The following MCF2L2 variants were observed in gnomAD, a reference collection of about 807,000 sequenced individuals.
MCF2L2 encodes the protein MCF.2 cell line derived transforming sequence-like 2.
Under a neutral mutation model 150.2 loss-of-function variants are expected in MCF2L2, and 102 were observed. That is an observed-to-expected ratio of 0.68 (90% confidence interval 0.58 to 0.80). The LOEUF is 0.80. MCF2L2 is among the 30% of genes least tolerant of loss of function. The probability of loss-of-function intolerance (pLI) is 0.00; values close to 1 mark genes in which losing one functional copy is unlikely to be tolerated. For synonymous variants in MCF2L2, 465 were observed against 491.3 expected (o/e 0.95, Z 0.71); for missense variants, 1,256 against 1,372.8 (o/e 0.91, Z 1.34).
chr3:183,193,209 G>A (rs1260246964), intron 26 of MCF2L2, 113 bp from the exon 27 acceptor site: 2 of 822,550 alleles, frequency 2.4e-6, no homozygotes, highest in Non-Finnish European at 4.1e-6. Flanking sequence ...TCTAGGTCTC[G>A]AGGACCTGCT....
chr3:183,302,961 G>A (rs986408012), intron 10 of MCF2L2, among the ~76,000 whole-genome samples: 4 of 151,786 alleles, frequency 2.6e-5, no homozygotes, highest in Admixed American at 6.6e-5. Flanking sequence ...TTGGGAGGCC[G>A]AGACGGGCAG....
rs188395818 is a variant in MCF2L2 at position 183,389,688 on chromosome 3, C to T, written c.160+8G>A. The stretch of plus-strand genomic sequence containing the variant: ...AAATCTGGAAATGCAAATGAATGTG[C>T]CCCTTACCTGAAAGAATGGCAAATT... On this transcript the variant is annotated splice_region_variant and intron_variant, in intron 2 of 29. Transcript: ENST00000328913. 1 of 1,613,170 alleles carries T rather than the reference C, an allele frequency of 6.2e-7. No individual in the cohort carries two copies.
intron 3 of MCF2L2, among the ~76,000 whole-genome samples, chr3:183,370,594 C>G (rs1712815649): frequency 6.6e-6 from 1 of 152,224 alleles, no homozygotes; most frequent in Admixed American, 6.5e-5. Flanking sequence ...AAAGGCAGAA[C>G]AGTGAGGAGG....
At chr3:183,279,201 A>T (rs144527856) in intron 14 of MCF2L2, among the ~76,000 whole-genome samples, 1 of 151,632 alleles carries the variant, frequency 6.6e-6, no homozygotes, top group Non-Finnish European at 1.5e-5. Context: ...TTTCATTTAC[A>T]TCGTAACTGA....
chr3:183,344,118 CAAAACA>C (rs1257162889), intron 3 of MCF2L2, among the ~76,000 whole-genome samples: 3 of 150,960 alleles, frequency 2.0e-5, no homozygotes, highest in Non-Finnish European at 4.4e-5. Flanking sequence ...GGCTCAAAAC[CAAAACA>C]AAAACAAAAC....
At chr3:183,413,311 T>A (rs951680841) in intron 1 of MCF2L2, among the ~76,000 whole-genome samples, 2 of 152,226 alleles carry the variant, frequency 1.3e-5, no homozygotes, top group African/African-American at 4.8e-5. Context: ...TAATTTTGTA[T>A]GTTATATGTA....
chr3:183,340,443 T>C (rs1243866989), intron 4 of MCF2L2, among the ~76,000 whole-genome samples: 1 of 152,048 alleles, frequency 6.6e-6, no homozygotes, highest in African/African-American at 2.4e-5. Flanking sequence ...GTGTCTCTGC[T>C]TGTGGTGGAG....
intron 13 of MCF2L2, among the ~76,000 whole-genome samples, chr3:183,294,391 GC>G (rs1728343018): frequency 6.6e-6 from 1 of 151,736 alleles, no homozygotes; most frequent in Non-Finnish European, 1.5e-5. Context: ...TGCTCTTGTC[GC>G]CCAGGCTGGA....
intron 3 of MCF2L2, among the ~76,000 whole-genome samples, chr3:183,360,758 T>C (rs1439050273): frequency 1.3e-5 from 2 of 151,860 alleles, no homozygotes; most frequent in Non-Finnish European, 2.9e-5. Context: ...TCACCTGAGG[T>C]CAGGAGTTCT....
intron 1 of MCF2L2, 79 bp downstream of exon 1, chr3:183,427,823 G>A: frequency 7.9e-7 from 1 of 1,262,388 alleles, no homozygotes; most frequent in Non-Finnish European, 1.2e-6. Flanking sequence ...CAGCGGGTGA[G>A]GCCAGGAGCC....
chr3:183,419,688 C>T (rs1715778677), intron 1 of MCF2L2, among the ~76,000 whole-genome samples: 1 of 152,082 alleles, frequency 6.6e-6, no homozygotes, highest in Non-Finnish European at 1.5e-5. Context: ...GCCTGGCCAA[C>T]ATGGTGAAAC....
At chr3:183,389,435 T>C (rs1353730386) in intron 2 of MCF2L2, among the ~76,000 whole-genome samples, 2 of 152,192 alleles carry the variant, frequency 1.3e-5, no homozygotes, top group East Asian at 3.8e-4. Context: ...TTCCTCAAAA[T>C]CTTTTCAGCT....
intron 1 of MCF2L2, among the ~76,000 whole-genome samples, chr3:183,406,297 C>A (rs1577130642): frequency 6.6e-6 from 1 of 152,258 alleles, no homozygotes; most frequent in Non-Finnish European, 1.5e-5. Context: ...CACAATTTCA[C>A]TGATGACTAC....
chr3:183,295,177 A>G (rs938139036), intron 13 of MCF2L2, 123 bp downstream of exon 13: 49 of 952,802 alleles, frequency 5.1e-5, no homozygotes, highest in Non-Finnish European at 3.1e-5. Flanking sequence ...CTATATCTGT[A>G]GTTTGTTTTA....
At chr3:183,389,944 G>A (rs1446062702) in intron 1 of MCF2L2, among the ~76,000 whole-genome samples, 165 bp from the exon 2 acceptor site, 6 of 152,214 alleles carry the variant, frequency 3.9e-5, no homozygotes, top group African/African-American at 4.8e-5. Context: ...ATCCAGGGCT[G>A]TATCTGGATT....
intron 25 of MCF2L2, among the ~76,000 whole-genome samples, chr3:183,202,912 T>C (rs1405756412): frequency 6.6e-6 from 1 of 152,068 alleles, no homozygotes; most frequent in East Asian, 1.9e-4. Flanking sequence ...AACCAGTCAA[T>C]ACAAACTGTT....
chr3:183,336,849 C>T (rs553579182), intron 5 of MCF2L2, among the ~76,000 whole-genome samples: 1 of 140,164 alleles, frequency 7.1e-6, no homozygotes, highest in African/African-American at 3.0e-5. Flanking sequence ...GAGTGAAACT[C>T]CATCTCAAAA....
Position 183,179,604 on chromosome 3 carries a change from T to G in MCF2L2, c.3194A>C (p.Glu1065Ala), listed in dbSNP as rs772085083. The G allele has an allele frequency of 6.2e-7, 1 of 1,614,142 alleles. No homozygotes were observed. The highest frequency in any genetic ancestry group is 1.3e-5 in the African/African-American group (1 of 75,052). The change falls in exon 29 of 30, where the codon GAA (glutamate) becomes GCA (alanine). Residue 1065 changes from glutamate to alanine, a missense_variant. By Grantham distance (107) the Glu-to-Ala change is moderately radical. Coordinates refer to ENST00000328913, the MANE Select transcript of MCF2L2 (RefSeq NM_015078.4). This position sits in a 1 kb window ranked among gnomAD's most constrained non-coding sequence, Gnocchi z 4.2. The part of the protein sequence containing the change: ...FLERGESSQG[E>A]KEERDEEETA... ...TTCCTCCTCATCGCGTTCTTCTTTT[T>G]CTCCCTGGCTGCTTTCTCCCCTCTC... is the stretch of plus-strand genomic sequence containing the variant.
chr3:183,301,735 C>T (rs534759879), intron 10 of MCF2L2, among the ~76,000 whole-genome samples: 3 of 147,328 alleles, frequency 2.0e-5, no homozygotes, highest in Non-Finnish European at 4.4e-5. Context: ...GAGGAGGTTG[C>T]AGTGAGCCAA....
Sources: gnomAD v4.1 joint callset for allele counts (sites outside exome capture counted in the v4.1 genomes callset) on GRCh38, gnomAD v4.1.1 for gene constraint, Gnocchi (gnomAD v3.1) non-coding constraint, MANE v1.5 for transcripts, NCBI Gene and HGNC (gene_info 2026-07-23, HGNC 2026-07-21) for gene names.